Variants in AGBL4 observed in about 807,000 individuals in gnomAD.
The protein encoded by AGBL4 is AGBL carboxypeptidase 4.
Under a neutral mutation model 66.4 loss-of-function variants are expected in AGBL4, and 58 were observed. That is an observed-to-expected ratio of 0.87 (90% CI 0.71 to 1.09). The LOEUF (loss-of-function observed/expected upper bound fraction) is 1.09, where lower values mean the gene tolerates loss of function less well. Ranked by LOEUF, AGBL4 falls within the 50% of genes least tolerant of loss-of-function variation. The pLI is 0.00. For synonymous variants in AGBL4, 234 were observed against 222.9 expected (o/e 1.05, Z -0.44); for missense variants, 579 against 631.0 (o/e 0.92, Z 0.88).
intron 3 of AGBL4, among the ~76,000 whole-genome samples, chr1:49,414,939 G>A (rs1159107580): frequency 6.6e-6 from 1 of 152,110 alleles, no homozygotes; most frequent in Non-Finnish European, 1.5e-5. Context: ...CTATAAGGAT[G>A]ACAATAATAT....
intron 3 of AGBL4, among the ~76,000 whole-genome samples, chr1:49,414,729 C>A (rs917422638): frequency 1.3e-5 from 2 of 152,132 alleles, no homozygotes; most frequent in Non-Finnish European, 2.9e-5. Context: ...AGGTTCAAAT[C>A]ACAGATCTAT....
chr1:49,010,861 C>T (rs1244295797), intron 5 of AGBL4, among the ~76,000 whole-genome samples: 1 of 151,118 alleles, frequency 6.6e-6, no homozygotes, highest in South Asian at 2.1e-4. Flanking sequence ...CTTCCTTACA[C>T]CTTATACAAA....
At chr1:49,291,450 T>G (rs1315716394) in intron 3 of AGBL4, among the ~76,000 whole-genome samples, 1 of 152,170 alleles carries the variant, frequency 6.6e-6, no homozygotes, top group Non-Finnish European at 1.5e-5. Context: ...GAAAATGAAA[T>G]AGACTGTGGT....
intron 3 of AGBL4, among the ~76,000 whole-genome samples, chr1:49,470,372 G>A (rs1417409340): frequency 3.3e-5 from 5 of 151,944 alleles, no homozygotes; most frequent in Non-Finnish European, 5.9e-5. Context: ...TGCACTATTT[G>A]AGAGAGAGAA....
intron 4 of AGBL4, among the ~76,000 whole-genome samples, chr1:49,157,160 G>A (rs941838345): frequency 4.0e-5 from 6 of 151,826 alleles, no homozygotes; most frequent in Non-Finnish European, 5.9e-5. Flanking sequence ...AGGTATACAC[G>A]TGCCATGGTG....
At chr1:49,451,124 C>T (rs555393788) in intron 3 of AGBL4, among the ~76,000 whole-genome samples, 1 of 152,120 alleles carries the variant, frequency 6.6e-6, no homozygotes, top group East Asian at 1.9e-4. Flanking sequence ...CATTTCCTTA[C>T]TGTTTGCCAG....
chr1:48,601,474 A>C (rs971068667), intron 9 of AGBL4, among the ~76,000 whole-genome samples: 1 of 152,228 alleles, frequency 6.6e-6, no homozygotes, highest in Admixed American at 6.5e-5. Flanking sequence ...ACATTTTACA[A>C]GTAACTTTCT....
At chr1:49,967,124 C>G (rs1557625913) in intron 1 of AGBL4, among the ~76,000 whole-genome samples, 1 of 152,176 alleles carries the variant, frequency 6.6e-6, no homozygotes, top group Non-Finnish European at 1.5e-5. Flanking sequence ...CTCCCACCAA[C>G]AGTGTAAAAG....
At chr1:49,971,528 GA>G (rs1658081772) in intron 1 of AGBL4, among the ~76,000 whole-genome samples, 1 of 152,026 alleles carries the variant, frequency 6.6e-6, no homozygotes, top group African/African-American at 2.4e-5. Flanking sequence ...AATAAGGAAA[GA>G]AAAAAGAAAT....
chr1:48,671,136 C>T lies in AGBL4; in HGVS notation c.635-7895G>A, dbSNP rs187721529. Reference sequence around the variant, plus strand: ...AACTCAGCTGTGTGCTCTCAGCTACCAATGCTCCTGGGAACTGAGGACTCA... The same window carrying T: ...AACTCAGCTGTGTGCTCTCAGCTACTAATGCTCCTGGGAACTGAGGACTCA... On this transcript the variant is annotated intron_variant, in intron 6 of 13. Coordinates refer to ENST00000371839, the MANE Select transcript of AGBL4 (RefSeq NM_032785.4). Among the ~76,000 whole-genome samples, 474 of 152,338 alleles carry T rather than the reference C, an allele frequency of 3.1e-3. 3 individuals carry two copies. The highest frequency in any genetic ancestry group is 0.01 in the African/African-American group (431 of 41,570).
chr1:49,949,180 C>CA (rs573761170), intron 1 of AGBL4, among the ~76,000 whole-genome samples: 20 of 151,018 alleles, frequency 1.3e-4, no homozygotes, highest in African/African-American at 4.1e-4. Context: ...TCATCTTATA[C>CA]AAAAAAATCA....
chr1:49,874,926 T>C (rs1406303912), intron 1 of AGBL4, among the ~76,000 whole-genome samples: 25 of 141,710 alleles, frequency 1.8e-4, no homozygotes, highest in Middle Eastern at 4.3e-3. Flanking sequence ...CTGCACCCAC[T>C]AACTTGTCAT....
chr1:49,606,162 G>T (rs991866749), intron 3 of AGBL4, among the ~76,000 whole-genome samples: 1 of 152,058 alleles, frequency 6.6e-6, no homozygotes, highest in African/African-American at 2.4e-5. Context: ...GGGGATTGAG[G>T]TTTCTAGGCT....
intron 5 of AGBL4, among the ~76,000 whole-genome samples, chr1:48,936,685 C>T (rs532300619): frequency 1.3e-5 from 2 of 152,256 alleles, no homozygotes; most frequent in East Asian, 1.9e-4. Context: ...TGAATCATCC[C>T]GGTCTTATTT....
intron 7 of AGBL4, among the ~76,000 whole-genome samples, chr1:48,658,292 T>C (rs567810592): frequency 3.9e-5 from 6 of 152,218 alleles, no homozygotes; most frequent in Non-Finnish European, 8.8e-5. Flanking sequence ...GCCTGCATGA[T>C]TTTCTCTCTA....
intron 4 of AGBL4, among the ~76,000 whole-genome samples, chr1:49,179,335 T>C (rs2148182552): frequency 6.6e-6 from 1 of 152,196 alleles, no homozygotes. Flanking sequence ...GACATAGTAA[T>C]GAATTATATA....
intron 3 of AGBL4, among the ~76,000 whole-genome samples, chr1:49,371,817 CTGTGTGTG>C (rs55882947): frequency 0.13 from 18,480 of 139,922 alleles, 1,548 homozygotes; most frequent in African/African-American, 0.24. Context: ...TTTTCAAACT[CTGTGTGTG>C]TGTGTGTGTG....
At chr1:48,898,406 C>CAGTGTGTT (rs1195205498) in intron 5 of AGBL4, among the ~76,000 whole-genome samples, 4 of 152,196 alleles carry the variant, frequency 2.6e-5, no homozygotes, top group Non-Finnish European at 4.4e-5. Flanking sequence ...AGCACTTCCC[C>CAGTGTGTT]AGTGTGTTCT....
At chr1:49,394,977 T>C (rs1359205168) in intron 3 of AGBL4, among the ~76,000 whole-genome samples, 1 of 152,110 alleles carries the variant, frequency 6.6e-6, no homozygotes, top group African/African-American at 2.4e-5. Flanking sequence ...CCATCAATCT[T>C]GCCTGTTTTT....
Sources: gnomAD v4.1 joint callset for allele counts (sites outside exome capture counted in the v4.1 genomes callset) on GRCh38, gnomAD v4.1.1 for gene constraint, MANE v1.5 for transcripts, NCBI Gene and HGNC (gene_info 2026-07-23, HGNC 2026-07-21) for gene names.